CADPS2: variants seen among roughly 807,000 people sequenced by gnomAD.
CADPS2 encodes calcium dependent secretion activator 2, also known as calcium-dependent secretion activator 2.
CADPS2 carries 93 observed loss-of-function variants against 172.5 expected under a neutral mutation model. The observed-to-expected ratio is 0.54, with a 90% CI of 0.46 to 0.64. The LOEUF (loss-of-function observed/expected upper bound fraction) is 0.64. Among genes scored for constraint, CADPS2 ranks in the 30% least tolerant of loss-of-function variants. The pLI is 0.00. For synonymous variants in CADPS2, 546 were observed against 555.2 expected, an observed-to-expected ratio of 0.98 and a Z score of 0.23; for missense variants, 1,420 against 1,565.9, an observed-to-expected ratio of 0.91 and a Z score of 1.57.
intron 8 of CADPS2, among the ~76,000 whole-genome samples, chr7:122,540,665 T>C (rs2062817136): frequency 6.6e-6 from 1 of 152,166 alleles, no homozygotes; most frequent in African/African-American, 2.4e-5. Flanking sequence ...TCATACCTCT[T>C]CCTGACAATT....
chr7:122,488,155 G>GA (rs952972723), intron 11 of CADPS2, among the ~76,000 whole-genome samples: 2 of 151,978 alleles, frequency 1.3e-5, no homozygotes, highest in African/African-American at 4.8e-5. Flanking sequence ...AACTCGGAGG[G>GA]AAAAAAATAG....
chr7:122,551,146 T>A (rs1167333815), intron 8 of CADPS2, among the ~76,000 whole-genome samples: 1 of 152,118 alleles, frequency 6.6e-6, no homozygotes, highest in Non-Finnish European at 1.5e-5. Context: ...ATAGTCATAT[T>A]AAAATGCAAC....
chr7:122,842,461 A>G (rs1164580414), intron 1 of CADPS2, among the ~76,000 whole-genome samples: 1 of 152,172 alleles, frequency 6.6e-6, no homozygotes, highest in Non-Finnish European at 1.5e-5. Flanking sequence ...GACCTTGATA[A>G]TCTGATGCCT....
chr7:122,438,553 T>G, intron 16 of CADPS2, 89 bp from the exon 17 acceptor site: 1 of 1,416,632 alleles, frequency 7.1e-7, no homozygotes, highest in Non-Finnish European at 9.7e-7. Context: ...AAATAAATAC[T>G]AAAGACAAAT....
At chr7:122,381,784 T>A (rs776934936) in intron 24 of CADPS2, among the ~76,000 whole-genome samples, 6 of 151,940 alleles carry the variant, frequency 3.9e-5, no homozygotes, top group Non-Finnish European at 7.4e-5. Flanking sequence ...AAAATGAGAA[T>A]GAATGAACAA....
In CADPS2 at chr7:122,807,726, T is replaced by C. The variant is rs149694610; in HGVS notation, c.340-70658A>G. 2.6e-5 allele frequency among the ~76,000 whole-genome samples: 4 copies of C among 152,278 alleles called. No homozygotes were observed. In the East Asian group the frequency reaches 7.7e-4, roughly 29 times the overall value. On this transcript the variant is annotated intron_variant, in intron 1 of 29. Coordinates refer to ENST00000449022, the MANE Select transcript of CADPS2 (RefSeq NM_017954.11). ...CTTGCAAATGGATACCCTCTTGCTA[T>C]ATCCTCACATGGCCTTTCCTCTGTG...
chr7:122,839,614 G>A (rs1264325883), intron 1 of CADPS2, among the ~76,000 whole-genome samples: 1 of 152,158 alleles, frequency 6.6e-6, no homozygotes. Flanking sequence ...CAAAAAGTGG[G>A]CAAAGGATAT....
At chr7:122,704,901 T>A (rs1363405155) in intron 2 of CADPS2, among the ~76,000 whole-genome samples, 2 of 151,918 alleles carry the variant, frequency 1.3e-5, no homozygotes, top group Admixed American at 1.3e-4. Flanking sequence ...CACTAAAACA[T>A]CTGAAAATGC....
intron 2 of CADPS2, among the ~76,000 whole-genome samples, chr7:122,695,201 C>G (rs574269000): frequency 1.3e-5 from 2 of 151,982 alleles, no homozygotes; most frequent in African/African-American, 4.8e-5. Context: ...TAGCACCACC[C>G]GATAAGAGTT....
intron 2 of CADPS2, chr7:122,702,009 C>G (rs745821671): frequency 6.2e-7 from 1 of 1,613,692 alleles, no homozygotes; most frequent in South Asian, 1.1e-5. Context: ...AATTCCTCAT[C>G]CCCTTCTTTG....
At chr7:122,581,456 C>A (rs1203763862) in intron 6 of CADPS2, among the ~76,000 whole-genome samples, 166 bp from the exon 7 acceptor site, 1 of 152,006 alleles carries the variant, frequency 6.6e-6, no homozygotes, top group African/African-American at 2.4e-5. Context: ...AGGAAAAGAA[C>A]AATAAGCTTT....
chr7:122,885,188 C>T (rs546224213), intron 1 of CADPS2, among the ~76,000 whole-genome samples: 2 of 152,252 alleles, frequency 1.3e-5, no homozygotes, highest in East Asian at 3.9e-4. Context: ...GAACATCAGG[C>T]CCCTGGGGTC....
intron 1 of CADPS2, among the ~76,000 whole-genome samples, chr7:122,749,700 C>G (rs545643684): frequency 6.6e-6 from 1 of 151,932 alleles, no homozygotes; most frequent in Non-Finnish European, 1.5e-5. Flanking sequence ...TTTAAACTTA[C>G]CAAATTTTAG....
At chr7:122,878,326 T>C (rs993048943) in intron 1 of CADPS2, among the ~76,000 whole-genome samples, 1 of 147,372 alleles carries the variant, frequency 6.8e-6, no homozygotes, top group Admixed American at 6.8e-5. Flanking sequence ...TCTGACACAT[T>C]AGAGAGGGAA....
intron 8 of CADPS2, among the ~76,000 whole-genome samples, chr7:122,549,117 C>T (rs1293085437): frequency 1.3e-5 from 2 of 152,072 alleles, no homozygotes; most frequent in African/African-American, 4.8e-5. Flanking sequence ...TATCATAAGG[C>T]CGAGCACAGT....
intron 2 of CADPS2, among the ~76,000 whole-genome samples, chr7:122,730,234 T>G (rs956343913): frequency 4.0e-5 from 6 of 151,756 alleles, no homozygotes; most frequent in Non-Finnish European, 7.4e-5. Flanking sequence ...ATAGAAATGT[T>G]AAACTTCACT....
At chr7:122,362,415 A>T (rs913590667) in intron 25 of CADPS2, among the ~76,000 whole-genome samples, 2 of 152,162 alleles carry the variant, frequency 1.3e-5, no homozygotes, top group African/African-American at 4.8e-5. Flanking sequence ...AGTTAAATGG[A>T]CTAGGGTGAG....
chr7:122,676,858 T>C, intron 2 of CADPS2: 1 of 510,418 alleles, frequency 2.0e-6, no homozygotes, highest in Non-Finnish European at 3.5e-6. Context: ...TCCAGGTCAC[T>C]TTGTGTGCCC....
chr7:122,326,071 A>G (rs2033787555), intron 28 of CADPS2, among the ~76,000 whole-genome samples: 1 of 124,082 alleles, frequency 8.1e-6, no homozygotes, highest in Non-Finnish European at 1.9e-5. Context: ...TAAAGTAGCG[A>G]TGGCAAAAAA....
Sources: gnomAD v4.1 joint callset for allele counts (sites outside exome capture counted in the v4.1 genomes callset) on GRCh38, gnomAD v4.1.1 for gene constraint, MANE v1.5 for transcripts, NCBI Gene and HGNC (gene_info 2026-07-23, HGNC 2026-07-21) for gene names.